SGCZ: variants seen among roughly 807,000 people sequenced by gnomAD.
The protein encoded by SGCZ is zeta-sarcoglycan.
In SGCZ, 40 loss-of-function variants were observed where a neutral mutation model predicts 41.3. The observed-to-expected ratio is 0.97, with a 90% confidence interval of 0.75 to 1.26. SGCZ has a LOEUF of 1.26. SGCZ is among the 50% of genes most tolerant of loss of function. The probability of loss-of-function intolerance (pLI) is 0.00; values close to 1 mark genes in which losing one functional copy is unlikely to be tolerated. For missense variants in SGCZ, 552 were observed against 369.8 expected, an observed-to-expected ratio of 1.49 and a Z score of -4.04; for synonymous variants, 206 against 137.5, an observed-to-expected ratio of 1.50 and a Z score of -3.49.
At chr8:14,416,221 C>T (rs1474466920) in intron 2 of SGCZ, among the ~76,000 whole-genome samples, 1 of 151,836 alleles carries the variant, frequency 6.6e-6, no homozygotes, top group Non-Finnish European at 1.5e-5. Flanking sequence ...TGCCAGAAGG[C>T]CTCCTTTAAG....
intron 1 of SGCZ, among the ~76,000 whole-genome samples, chr8:15,012,077 C>A (rs901199567): frequency 6.6e-6 from 1 of 152,088 alleles, no homozygotes; most frequent in South Asian, 2.1e-4. Flanking sequence ...TCTTAAAATC[C>A]ATCTTTGTCC....
At chr8:14,955,165 T>A (rs1033083774) in intron 1 of SGCZ, among the ~76,000 whole-genome samples, 1 of 152,158 alleles carries the variant, frequency 6.6e-6, no homozygotes, top group Admixed American at 6.6e-5. Flanking sequence ...TCCAGCGTAA[T>A]TTAGTGAAGT....
intron 1 of SGCZ, among the ~76,000 whole-genome samples, chr8:14,811,185 T>A (rs1801727028): frequency 6.6e-6 from 1 of 152,042 alleles, no homozygotes; most frequent in Non-Finnish European, 1.5e-5. Context: ...TAAACTTAGA[T>A]TTCAAATTTG....
rs1222516999 is a variant in SGCZ, at chr8:14,780,151, G to A, written c.40-225225C>T. 2.6e-5 allele frequency among the ~76,000 whole-genome samples: 4 copies of A among 152,108 alleles called. No homozygotes were observed. In the East Asian group the frequency reaches 5.8e-4, roughly 22 times the overall value. On this transcript the variant is annotated intron_variant, in intron 1 of 7. Coordinates refer to ENST00000382080, the MANE Select transcript of SGCZ (RefSeq NM_139167.4). ...CACTTTGGGAGGCAGAGGCCGGGCG[G>A]ATCACGAGGTCAGGAGATCCAGACC... is the stretch of plus-strand genomic sequence containing the variant.
At chr8:15,051,837 G>T (rs953624575) in intron 1 of SGCZ, among the ~76,000 whole-genome samples, 4 of 152,140 alleles carry the variant, frequency 2.6e-5, no homozygotes, top group African/African-American at 9.7e-5. Context: ...AAGTCAAACT[G>T]CACTTAGAGG....
intron 2 of SGCZ, among the ~76,000 whole-genome samples, chr8:14,376,148 C>T (rs543149421): frequency 6.8e-4 from 103 of 152,048 alleles, no homozygotes; most frequent in Non-Finnish European, 1.2e-3. Context: ...TCCATCTCTA[C>T]TAAAAATAAA....
At chr8:15,105,729 T>C (rs1176347068) in intron 1 of SGCZ, among the ~76,000 whole-genome samples, 2 of 152,184 alleles carry the variant, frequency 1.3e-5, no homozygotes, top group Non-Finnish European at 2.9e-5. Context: ...CAGTGTTTAA[T>C]CATCGTTTGT....
At chr8:14,651,597 G>T (rs1282415966) in intron 1 of SGCZ, among the ~76,000 whole-genome samples, 1 of 151,928 alleles carries the variant, frequency 6.6e-6, no homozygotes, top group African/African-American at 2.4e-5. Flanking sequence ...TCAGAATCTA[G>T]CTCATTTTCA....
intron 5 of SGCZ, among the ~76,000 whole-genome samples, chr8:14,161,921 A>G (rs1419778345): frequency 1.3e-5 from 2 of 152,208 alleles, no homozygotes; most frequent in East Asian, 1.9e-4. Flanking sequence ...CACACATGGG[A>G]TGGGGAAGGA....
At chr8:14,181,604 C>T (rs1341117477) in intron 4 of SGCZ, among the ~76,000 whole-genome samples, 1 of 152,198 alleles carries the variant, frequency 6.6e-6, no homozygotes, top group African/African-American at 2.4e-5. Flanking sequence ...ATAACTGAAG[C>T]ATGGGGGTGG....
intron 1 of SGCZ, among the ~76,000 whole-genome samples, chr8:15,024,805 G>A (rs62493672): frequency 6.6e-6 from 1 of 151,824 alleles, no homozygotes; most frequent in African/African-American, 2.4e-5. Flanking sequence ...GCATGGTGGC[G>A]AGCACCTGTA....
chr8:15,033,722 G>A (rs1447988362), intron 1 of SGCZ, among the ~76,000 whole-genome samples: 1 of 151,920 alleles, frequency 6.6e-6, no homozygotes, highest in African/African-American at 2.4e-5. Flanking sequence ...TCCAACTTAA[G>A]GCCAACCCCA....
chr8:14,586,845 C>T (rs955326241), intron 1 of SGCZ, among the ~76,000 whole-genome samples: 11 of 151,936 alleles, frequency 7.2e-5, no homozygotes, highest in African/African-American at 2.4e-4. Flanking sequence ...TCCTCAAATG[C>T]TACTGACATA....
intron 3 of SGCZ, among the ~76,000 whole-genome samples, chr8:14,294,178 C>G (rs866825127): frequency 5.9e-5 from 9 of 151,842 alleles, no homozygotes; most frequent in South Asian, 2.1e-4. Context: ...AGACTAAAAA[C>G]TCTCCACTTA....
intron 5 of SGCZ, among the ~76,000 whole-genome samples, chr8:14,139,646 T>G (rs186253358): frequency 2.6e-5 from 4 of 152,128 alleles, no homozygotes; most frequent in African/African-American, 9.7e-5. Context: ...CAGGAAGAAG[T>G]TGAATCCCTG....
At chr8:14,301,744 G>C (rs117088148) in intron 3 of SGCZ, among the ~76,000 whole-genome samples, 1 of 152,086 alleles carries the variant, frequency 6.6e-6, no homozygotes. Context: ...GCAATTTTTG[G>C]AAACATGAAA....
intron 2 of SGCZ, among the ~76,000 whole-genome samples, chr8:14,463,221 A>G (rs1230372672): frequency 6.6e-6 from 1 of 151,410 alleles, no homozygotes; most frequent in Non-Finnish European, 1.5e-5. Context: ...ATAATATTAG[A>G]ATGGAATCTC....
rs562483341 is a variant in SGCZ at position 14,991,564 on chromosome 8, C to G, written c.39+246021G>C. Reference sequence around the variant, plus strand: ...ATGCTTTCCTTGAATATTATCAAAGCACTTATGCCCAGTATGTCCATAGCA... The same window carrying G: ...ATGCTTTCCTTGAATATTATCAAAGGACTTATGCCCAGTATGTCCATAGCA... On this transcript the variant is annotated intron_variant, in intron 1 of 7. Coordinates refer to ENST00000382080, the MANE Select transcript of SGCZ (RefSeq NM_139167.4). Among the ~76,000 whole-genome samples the G allele has an allele frequency of 4.6e-5, 7 of 152,244 alleles. No homozygotes were observed. The South Asian group carries it at 1.5e-3, about 32-fold the overall frequency.
At chr8:14,313,908 C>CTGTGTG (rs1250407051) in intron 3 of SGCZ, among the ~76,000 whole-genome samples, 1 of 88,718 alleles carries the variant, frequency 1.1e-5, no homozygotes, top group African/African-American at 3.9e-5. Flanking sequence ...TATATCATCT[C>CTGTGTG]TCTGTGTGTG....
Sources: allele counts gnomAD v4.1 joint callset (sites outside exome capture counted in the v4.1 genomes callset), GRCh38; gene constraint gnomAD v4.1.1; transcripts MANE v1.5; gene names NCBI Gene and HGNC (gene_info 2026-07-23, HGNC 2026-07-21).